Variants in LUZP2 observed in about 807,000 individuals in gnomAD.
The protein encoded by LUZP2 is leucine zipper protein 2.
A neutral mutation model predicts 51.6 loss-of-function variants in LUZP2; 52 were observed. The ratio of observed to expected loss-of-function variants is 1.01; its 90% CI spans 0.81 to 1.27. The LOEUF (loss-of-function observed/expected upper bound fraction) is 1.27, where lower values mean the gene tolerates loss of function less well. LUZP2 is among the 50% of genes most tolerant of loss of function. LUZP2 has a pLI of 0.00. For missense variants in LUZP2, 436 were observed against 395.4 expected (o/e 1.10, Z -0.87); for synonymous variants, 154 against 137.3 (o/e 1.12, Z -0.85).
chr11:25,061,095 A>G (rs1858822905), intron 10 of LUZP2, among the ~76,000 whole-genome samples: 1 of 152,160 alleles, frequency 6.6e-6, no homozygotes, highest in Non-Finnish European at 1.5e-5. Context: ...TATCACAAAT[A>G]GTAGGAAATA....
At chr11:24,582,230 C>T (rs552424507) in intron 1 of LUZP2, among the ~76,000 whole-genome samples, 1 of 150,604 alleles carries the variant, frequency 6.6e-6, no homozygotes, top group Non-Finnish European at 1.5e-5. Flanking sequence ...GAATCTTTTC[C>T]AGGTGTGTCT....
At chr11:24,720,242 A>G (rs1196490465) in intron 1 of LUZP2, among the ~76,000 whole-genome samples, 4 of 129,254 alleles carry the variant, frequency 3.1e-5, no homozygotes, top group African/African-American at 8.1e-5. Flanking sequence ...CTTTCAGATA[A>G]TAGAAAAAAA....
At chr11:25,047,787 C>T (rs1858362183) in intron 9 of LUZP2, among the ~76,000 whole-genome samples, 2 of 152,046 alleles carry the variant, frequency 1.3e-5, no homozygotes, top group African/African-American at 4.8e-5. Flanking sequence ...GGGCTCTAGC[C>T]ATATCATACC....
At chr11:24,836,138 A>G (rs1392566654) in intron 5 of LUZP2, among the ~76,000 whole-genome samples, 1 of 151,884 alleles carries the variant, frequency 6.6e-6, no homozygotes, top group Non-Finnish European at 1.5e-5. Flanking sequence ...CTTGACCTGA[A>G]TTTTCTCATT....
At chr11:24,597,377 G>A (rs1853477440) in intron 1 of LUZP2, among the ~76,000 whole-genome samples, 2 of 152,076 alleles carry the variant, frequency 1.3e-5, no homozygotes, top group Admixed American at 1.3e-4. Context: ...AGTTCCATAT[G>A]GGATAAAACA....
intron 5 of LUZP2, among the ~76,000 whole-genome samples, chr11:24,860,632 T>C (rs1851712532): frequency 6.6e-6 from 1 of 152,094 alleles, no homozygotes; most frequent in African/African-American, 2.4e-5. Flanking sequence ...TAGTGACCTC[T>C]CTAGGCACTG....
intron 7 of LUZP2, among the ~76,000 whole-genome samples, chr11:24,938,455 A>G (rs1382030345): frequency 6.6e-6 from 1 of 152,200 alleles, no homozygotes; most frequent in Non-Finnish European, 1.5e-5. Flanking sequence ...CTCCTTTGCT[A>G]TAATAATTTG....
chr11:24,873,279 C>G (rs755485571), intron 5 of LUZP2, among the ~76,000 whole-genome samples: 2 of 152,176 alleles, frequency 1.3e-5, no homozygotes, highest in Non-Finnish European at 2.9e-5. Context: ...CTACCTCTAT[C>G]ATGAATTCCT....
intron 9 of LUZP2, among the ~76,000 whole-genome samples, chr11:25,027,869 CAAA>C (rs66524969): frequency 6.5e-5 from 6 of 92,458 alleles, no homozygotes; most frequent in Non-Finnish European, 8.4e-5. Flanking sequence ...AATTCCGTCT[CAAA>C]AAAAAAAAAA....
At chr11:24,754,903 T>C (rs1234574037) in intron 4 of LUZP2, among the ~76,000 whole-genome samples, 1 of 152,198 alleles carries the variant, frequency 6.6e-6, no homozygotes, top group East Asian at 1.9e-4. Context: ...CCCAGCATTT[T>C]GCGGGGGCGA....
intron 7 of LUZP2, among the ~76,000 whole-genome samples, chr11:24,930,982 G>A (rs1417766922): frequency 6.6e-6 from 1 of 152,058 alleles, no homozygotes; most frequent in Non-Finnish European, 1.5e-5. Flanking sequence ...GGGAAGCCAA[G>A]GTGGGTGGAT....
At chr11:24,781,515 A>G (rs1386248) in intron 5 of LUZP2, among the ~76,000 whole-genome samples, 123,100 of 151,550 alleles carry the variant, frequency 0.81, 50,068 homozygotes, top group East Asian at 0.87. Flanking sequence ...GTTGCAGAAG[A>G]CAACACTAGA....
At chr11:24,666,708 G>A (rs1856225528) in intron 1 of LUZP2, among the ~76,000 whole-genome samples, 3 of 152,166 alleles carry the variant, frequency 2.0e-5, no homozygotes, top group Admixed American at 6.5e-5. Flanking sequence ...ATCATGGGAA[G>A]GGCAGTACCC....
chr11:24,788,460 T>C (rs1825724), intron 5 of LUZP2, among the ~76,000 whole-genome samples: 135,250 of 151,898 alleles, frequency 0.89, 61,503 homozygotes, highest in South Asian at 0.98. Context: ...AGTGCTGGGA[T>C]TACAGGCGTA....
At chr11:24,507,180 T>G (rs6484052) in intron 1 of LUZP2, among the ~76,000 whole-genome samples, 95,036 of 151,796 alleles carry the variant, frequency 0.63, 31,194 homozygotes, top group African/African-American at 0.84. Context: ...TAAAAATACA[T>G]ATTTCAGTTC....
chr11:25,019,154 A>T (rs11028355), intron 9 of LUZP2, among the ~76,000 whole-genome samples: 88,953 of 152,010 alleles, frequency 0.59, 27,258 homozygotes, highest in African/African-American at 0.77. Context: ...ATATTCCATG[A>T]CTTTTGACAA....
At chr11:24,814,716 G>C (rs1221780240) in intron 5 of LUZP2, among the ~76,000 whole-genome samples, 1 of 152,108 alleles carries the variant, frequency 6.6e-6, no homozygotes, top group African/African-American at 2.4e-5. Flanking sequence ...GTATGTGCCG[G>C]GAGCGGTAGC....
At chr11:24,585,848 C>G (rs1251330104) in intron 1 of LUZP2, among the ~76,000 whole-genome samples, 2 of 152,050 alleles carry the variant, frequency 1.3e-5, no homozygotes, top group Non-Finnish European at 2.9e-5. Context: ...AATATGATTT[C>G]AGAATGATGA....
chr11:24,831,060 C>T (rs898851497), intron 5 of LUZP2, among the ~76,000 whole-genome samples: 1 of 152,066 alleles, frequency 6.6e-6, no homozygotes, highest in Non-Finnish European at 1.5e-5. Context: ...GAGTCAAACT[C>T]AAGAGTTCTG....
Sources: allele counts gnomAD v4.1 joint callset (sites outside exome capture counted in the v4.1 genomes callset), GRCh38; gene constraint gnomAD v4.1.1; transcripts MANE v1.5; gene names NCBI Gene and HGNC (gene_info 2026-07-23, HGNC 2026-07-21).